The following TCF4 variants were observed in gnomAD, a reference collection of about 807,000 sequenced individuals.
TCF4 encodes the protein transcription factor 4, also known as SL3-3 enhancer factor 2.
Under a neutral mutation model 82.1 loss-of-function variants are expected in TCF4, and 3 were observed. That is an observed-to-expected ratio of 0.04 (90% confidence interval 0.02 to 0.09). The LOEUF (loss-of-function observed/expected upper bound fraction) is 0.09, where lower values mean the gene tolerates loss of function less well. TCF4 is among the 10% of genes least tolerant of loss of function. TCF4 has a pLI of 1.00. For synonymous variants in TCF4, 276 were observed against 309.6 expected (o/e 0.89, Z 1.14); for missense variants, 518 against 852.7 (o/e 0.61, Z 4.89).
chr18:55,468,504 T>C (rs1193603470), intron 3 of TCF4, among the ~76,000 whole-genome samples: 2 of 152,342 alleles, frequency 1.3e-5, no homozygotes, highest in East Asian at 1.9e-4. Context: ...AAAACTTGTA[T>C]GGCTGGCTCA....
chr18:55,398,965 G>A (rs1037062941), intron 6 of TCF4, among the ~76,000 whole-genome samples: 5 of 152,326 alleles, frequency 3.3e-5, no homozygotes, highest in African/African-American at 1.2e-4. Flanking sequence ...CTCGATGGAT[G>A]TGCTGAACAC....
intron 5 of TCF4, among the ~76,000 whole-genome samples, chr18:55,460,297 G>A (rs1370242508): frequency 2.0e-5 from 3 of 151,770 alleles, no homozygotes; most frequent in African/African-American, 7.3e-5. Context: ...CCAGCTATTG[G>A]GACCTTTTAA....
chr18:55,399,026 C>T (rs2093651752), intron 6 of TCF4, among the ~76,000 whole-genome samples: 1 of 152,202 alleles, frequency 6.6e-6, no homozygotes, highest in South Asian at 2.1e-4. Context: ...ATGTGTATTT[C>T]TGCTTGCGCA....
chr18:55,569,010 T>C (rs1311233097), intron 3 of TCF4, among the ~76,000 whole-genome samples: 1 of 152,114 alleles, frequency 6.6e-6, no homozygotes, highest in Admixed American at 6.5e-5. Context: ...TAATTTTATG[T>C]AGAAAAAGTA....
chr18:55,225,869 A>AAC lies in TCF4; in HGVS notation c.*2164_*2165dup, dbSNP rs528239732. ...CTACTGAACATATTTACAGTTTTTC[A>AAC]ACACACACACAGCTAATCAAAATGT... On this transcript the variant is annotated 3_prime_UTR_variant, in exon 20 of 20. Coordinates refer to ENST00000354452, the MANE Select transcript of TCF4 (RefSeq NM_001083962.2). 7.2e-5 allele frequency: 11 copies of AAC among 152,568 alleles called. No individual in the cohort carries two copies. Among genetic ancestry groups the AAC allele is most frequent in the African/African-American group, 2.7e-4 (11 of 41,444 alleles). 9.5% of individuals were successfully genotyped at this position (152,568 alleles called of 1,614,324 possible). A position where few individuals can be genotyped will look rare whatever the true frequency, so the allele number is the denominator to read the frequency against.
intron 18 of TCF4, 26 bp downstream of exon 18, chr18:55,228,821 C>T (rs375849770): frequency 5.6e-6 from 9 of 1,612,948 alleles, no homozygotes; most frequent in Non-Finnish European, 7.6e-6. Context: ...CTCACGAGCT[C>T]TGCAAGGAGG....
intron 3 of TCF4, among the ~76,000 whole-genome samples, chr18:55,480,620 C>T (rs759510554): frequency 2.0e-5 from 3 of 152,202 alleles, no homozygotes; most frequent in East Asian, 1.9e-4. Context: ...GAATAAACTG[C>T]TACACCTCAA....
In TCF4 at chr18:55,473,221, G is replaced by A. The variant is rs368273201; in HGVS notation, c.146-9084C>T. 1.2e-4 allele frequency among the ~76,000 whole-genome samples: 19 copies of A among 152,078 alleles called. No individual in the cohort carries two copies. The East Asian group carries it at 1.5e-3, about 12-fold the overall frequency. ...TCTTTCCTGATACCTCTTTTCTCCC[G>A]AGGGTGCCATTTGTGAGGTTCTGAG... is the stretch of plus-strand genomic sequence containing the variant. On this transcript the variant is annotated intron_variant, in intron 3 of 19. Coordinates refer to ENST00000354452, the MANE Select transcript of TCF4 (RefSeq NM_001083962.2).
chr18:55,563,236 C>T (rs2097370826), intron 3 of TCF4, among the ~76,000 whole-genome samples: 2 of 114,352 alleles, frequency 1.7e-5, no homozygotes, highest in Non-Finnish European at 3.7e-5. Context: ...GAGACCCTGT[C>T]TCAAAAAAAA....
chr18:55,388,698 C>T (rs1363324820), intron 6 of TCF4, among the ~76,000 whole-genome samples: 2 of 152,144 alleles, frequency 1.3e-5, no homozygotes, highest in African/African-American at 2.4e-5. Context: ...TTATCCAGTG[C>T]TAAAGAAGTG....
intron 3 of TCF4, among the ~76,000 whole-genome samples, chr18:55,540,304 A>G (rs766572606): frequency 2.0e-5 from 3 of 152,128 alleles, no homozygotes; most frequent in Non-Finnish European, 2.9e-5. Flanking sequence ...CAAAGGGAAT[A>G]TCTCAAAACA....
intron 3 of TCF4, among the ~76,000 whole-genome samples, chr18:55,552,941 T>C (rs1011706444): frequency 3.3e-5 from 5 of 152,222 alleles, no homozygotes; most frequent in African/African-American, 1.2e-4. Flanking sequence ...TACAGGGTTT[T>C]CTCTCTACTC....
intron 5 of TCF4, among the ~76,000 whole-genome samples, chr18:55,416,457 C>T (rs1170570586): frequency 6.6e-6 from 1 of 152,152 alleles, no homozygotes; most frequent in Non-Finnish European, 1.5e-5. Flanking sequence ...GATCATTTCA[C>T]TTGATCTTAG....
At chr18:55,391,830 C>T (rs958296755) in intron 6 of TCF4, among the ~76,000 whole-genome samples, 17 of 149,486 alleles carry the variant, frequency 1.1e-4, no homozygotes, top group Admixed American at 7.3e-4. Context: ...CCCAACTACT[C>T]GGGAGGGTGA....
At chr18:55,340,185 T>C (rs1043646830) in intron 8 of TCF4, among the ~76,000 whole-genome samples, 1 of 152,128 alleles carries the variant, frequency 6.6e-6, no homozygotes, top group Non-Finnish European at 1.5e-5. Context: ...CCTTATCACT[T>C]AGAGGCAAGG....
intron 5 of TCF4, among the ~76,000 whole-genome samples, chr18:55,419,865 C>G (rs546740481): frequency 6.6e-6 from 1 of 152,170 alleles, no homozygotes; most frequent in Non-Finnish European, 1.5e-5. Context: ...CTTCGCTGCC[C>G]ACAAACAAAT....
intron 3 of TCF4, among the ~76,000 whole-genome samples, chr18:55,564,016 T>C (rs1416656867): frequency 1.3e-5 from 2 of 152,234 alleles, no homozygotes; most frequent in African/African-American, 2.4e-5. Context: ...AATCATTTAT[T>C]AAGCAAATTC....
At chr18:55,613,846 A>T (rs2097709415) in intron 2 of TCF4, among the ~76,000 whole-genome samples, 1 of 152,188 alleles carries the variant, frequency 6.6e-6, no homozygotes, top group African/African-American at 2.4e-5. Context: ...GCGTCAAACC[A>T]TAGCATATTT....
At chr18:55,469,408 G>A (rs1603501918) in intron 3 of TCF4, among the ~76,000 whole-genome samples, 1 of 151,892 alleles carries the variant, frequency 6.6e-6, no homozygotes, top group Non-Finnish European at 1.5e-5. Context: ...AGGTTGCCGC[G>A]AGCCAAGATC....
Sources: gnomAD v4.1 joint callset for allele counts (sites outside exome capture counted in the v4.1 genomes callset) on GRCh38, gnomAD v4.1.1 for gene constraint, MANE v1.5 for transcripts, NCBI Gene and HGNC (gene_info 2026-07-23, HGNC 2026-07-21) for gene names.